DDC: variants seen among roughly 807,000 people sequenced by gnomAD.
The protein encoded by DDC is aromatic-L-amino-acid decarboxylase.
A neutral mutation model predicts 60.0 loss-of-function variants in DDC; 43 were observed. The observed-to-expected ratio is 0.72, with a 90% CI of 0.56 to 0.92. The LOEUF (loss-of-function observed/expected upper bound fraction) is 0.92. Among genes scored for constraint, DDC ranks in the 40% least tolerant of loss-of-function variants. DDC has a pLI of 0.00. For missense variants in DDC, 573 were observed against 620.2 expected (o/e 0.92, Z 0.81); for synonymous variants, 232 against 234.6 (o/e 0.99, Z 0.10).
At chr7:50,557,747 G>A (rs2045230977) in intron 1 of DDC, among the ~76,000 whole-genome samples, 1 of 152,124 alleles carries the variant, frequency 6.6e-6, no homozygotes, top group South Asian at 2.1e-4. Flanking sequence ...CACCTATTGG[G>A]TCTGTCTCTC....
At chr7:50,461,112 T>C (rs1165843711) in intron 14 of DDC, among the ~76,000 whole-genome samples, 1 of 152,094 alleles carries the variant, frequency 6.6e-6, no homozygotes, top group Non-Finnish European at 1.5e-5. Context: ...ATGTACTTCT[T>C]ATTTGAATAT....
At chr7:50,497,164 A>G (rs959025736) in intron 8 of DDC, among the ~76,000 whole-genome samples, 1 of 152,154 alleles carries the variant, frequency 6.6e-6, no homozygotes, top group Non-Finnish European at 1.5e-5. Context: ...CCACAACAGG[A>G]TATTGCAGCC....
At chr7:50,534,965 A>G (rs1425397311) in intron 4 of DDC, among the ~76,000 whole-genome samples, 1 of 152,140 alleles carries the variant, frequency 6.6e-6, no homozygotes, top group Admixed American at 6.5e-5. Context: ...GTGACAGCCT[A>G]TCCTTGCTGT....
At chr7:50,459,632 G>T (rs1285158414) in intron 14 of DDC, 1 of 169,276 alleles carries the variant, frequency 5.9e-6, no homozygotes, top group Non-Finnish European at 1.2e-5. Context: ...TGTGAGGAGC[G>T]CCTCTACCCG....
chr7:50,531,969 G>A (rs1412545091), intron 4 of DDC: 1 of 152,136 alleles, frequency 6.6e-6, no homozygotes, highest in African/African-American at 2.4e-5. Flanking sequence ...TTTTTTCGAA[G>A]CAAAAAATTG....
At chr7:50,521,741 G>A (rs1243727140) in intron 6 of DDC, among the ~76,000 whole-genome samples, 1 of 152,148 alleles carries the variant, frequency 6.6e-6, no homozygotes, top group African/African-American at 2.4e-5. Flanking sequence ...AGCAAACTAG[G>A]ATTCGAGCAG....
intron 1 of DDC, chr7:50,563,884 G>C (rs996992379): frequency 1.3e-5 from 2 of 152,208 alleles, no homozygotes; most frequent in African/African-American, 4.8e-5. Context: ...TTACAGGCGT[G>C]AGCCACAGCA....
intron 6 of DDC, among the ~76,000 whole-genome samples, chr7:50,505,078 G>A (rs11575369): frequency 6.6e-6 from 1 of 152,160 alleles, no homozygotes; most frequent in Non-Finnish European, 1.5e-5. Flanking sequence ...GAGTCACTGC[G>A]GCCTCTCCCG....
rs60591197 is a variant in DDC at position 50,559,428 on chromosome 7, CTTTTTTTT to C, written c.-29+5849_-29+5856del. Among the ~76,000 whole-genome samples the C allele has an allele frequency of 1.1e-4, 16 of 143,360 alleles. 1 individual carries two copies. Among genetic ancestry groups the C allele is most frequent in the African/African-American group, 4.1e-4 (16 of 39,272 alleles). 94.0% of individuals were successfully genotyped at this position (143,360 alleles called of 152,430 possible). A position where few individuals can be genotyped will look rare whatever the true frequency, so the allele number is the denominator to read the frequency against. ...ATAAACACAAAACATCAGAACATTT[CTTTTTTTT>C]TTTTTTTTGGAGACAGAGTCTCGCT... On this transcript the variant is annotated intron_variant, in intron 1 of 14. Transcript: ENST00000444124.
chr7:50,513,060 T>C (rs2153542433), intron 6 of DDC, among the ~76,000 whole-genome samples: 1 of 152,284 alleles, frequency 6.6e-6, no homozygotes, highest in East Asian at 1.9e-4. Flanking sequence ...CCAGGTTGAC[T>C]GCAAGAACAA....
At chr7:50,480,049 A>C in intron 9 of DDC, 186 bp from the exon 10 acceptor site, 1 of 612,826 alleles carries the variant, frequency 1.6e-6, no homozygotes, top group Non-Finnish European at 2.9e-6. Context: ...AAAAATAAAT[A>C]TTTGGTCTTT....
intron 1 of DDC, among the ~76,000 whole-genome samples, chr7:50,560,112 G>A (rs1273575390): frequency 1.3e-5 from 2 of 152,168 alleles, no homozygotes; most frequent in African/African-American, 4.8e-5. Flanking sequence ...GTCACCGCAC[G>A]CTGCCAGCAG....
At chr7:50,561,507 C>T (rs2045343973) in intron 1 of DDC, among the ~76,000 whole-genome samples, 1 of 152,162 alleles carries the variant, frequency 6.6e-6, no homozygotes, top group Non-Finnish European at 1.5e-5. Flanking sequence ...CCCACTTCCC[C>T]AGATGAGAAA....
Position 50,537,893 on chromosome 7 carries a change from A to T in DDC, c.402T>A (p.Asn134Lys). ...KMLELPKAFLNEKAGEGGGVI... is the reference protein window; with the variant it reads ...KMLELPKAFLKEKAGEGGGVI... Reference sequence around the variant, plus strand: ...CTCCTCCCCCTTCTCCAGCTTTCTCATTCAAAAATGCCTTTGGTAGTTCCA... The same window carrying T: ...CTCCTCCCCCTTCTCCAGCTTTCTCTTTCAAAAATGCCTTTGGTAGTTCCA... Residue 134 changes from asparagine (N) to lysine (K), a missense_variant, in exon 4 of 15, where the codon AAT (asparagine) becomes AAA (lysine). Physicochemically the swap from Asn to Lys is moderately conservative, Grantham distance 94. Coordinates refer to ENST00000444124, the MANE Select transcript of DDC (RefSeq NM_001082971.2). 1 of 1,613,234 alleles carries T rather than the reference A, an allele frequency of 6.2e-7. No homozygotes were observed. Among genetic ancestry groups the T allele is most frequent in the Non-Finnish European group, 8.5e-7 (1 of 1,179,400 alleles).
At chr7:50,487,900 T>C (rs2042919356) in intron 9 of DDC, among the ~76,000 whole-genome samples, 1 of 152,124 alleles carries the variant, frequency 6.6e-6, no homozygotes, top group Non-Finnish European at 1.5e-5. Flanking sequence ...GGAATGAGGG[T>C]TATAAAGCCA....
chr7:50,496,791 T>C (rs2043137045), intron 8 of DDC, among the ~76,000 whole-genome samples: 1 of 152,150 alleles, frequency 6.6e-6, no homozygotes, highest in Admixed American at 6.5e-5. Context: ...CCCAAGGCCC[T>C]AGGGCACCTC....
At chr7:50,459,251 A>C (rs553977848) in intron 14 of DDC, among the ~76,000 whole-genome samples, 1 of 152,196 alleles carries the variant, frequency 6.6e-6, no homozygotes, top group East Asian at 1.9e-4. Flanking sequence ...AGTCTGGTTC[A>C]CTCAGTGCTC....
intron 3 of DDC, among the ~76,000 whole-genome samples, chr7:50,538,782 G>T (rs947319323): frequency 6.6e-5 from 10 of 152,260 alleles, no homozygotes; most frequent in Non-Finnish European, 1.5e-4. Context: ...GGGACAGAAT[G>T]GATTTGGACC....
chr7:50,466,945 G>A (rs908263639), intron 13 of DDC, among the ~76,000 whole-genome samples: 1 of 152,246 alleles, frequency 6.6e-6, no homozygotes, highest in African/African-American at 2.4e-5. Context: ...ATGGAGCCTT[G>A]AGGAAGGAAA....
Sources: allele counts gnomAD v4.1 joint callset (sites outside exome capture counted in the v4.1 genomes callset), GRCh38; gene constraint gnomAD v4.1.1; transcripts MANE v1.5; gene names NCBI Gene and HGNC (gene_info 2026-07-23, HGNC 2026-07-21).